The following RALGPS1 variants were observed in gnomAD, a reference collection of about 807,000 sequenced individuals.
RALGPS1 encodes ras-specific guanine nucleotide-releasing factor RalGPS1.
A neutral mutation model predicts 78.8 loss-of-function variants in RALGPS1; 19 were observed. The ratio of observed to expected loss-of-function variants is 0.24; its 90% CI spans 0.17 to 0.35. The LOEUF (loss-of-function observed/expected upper bound fraction) is 0.35. Among genes scored for constraint, RALGPS1 ranks in the 10% least tolerant of loss-of-function variants. RALGPS1 has a pLI of 1.00. For synonymous variants in RALGPS1, 228 were observed against 256.3 expected (o/e 0.89, Z 1.06); for missense variants, 454 against 688.3 (o/e 0.66, Z 3.81).
At chr9:126,920,913 T>C (rs565690462) in intron 1 of RALGPS1, among the ~76,000 whole-genome samples, 2 of 152,340 alleles carry the variant, frequency 1.3e-5, no homozygotes, top group South Asian at 2.1e-4. Context: ...AAATCCTGCC[T>C]CTGTCACAGA....
chr9:127,034,785 G>C (rs1162421744), intron 5 of RALGPS1, among the ~76,000 whole-genome samples: 13 of 152,144 alleles, frequency 8.5e-5, no homozygotes. Context: ...AATATGCTTT[G>C]CAAGGTTCAG....
At chr9:127,110,469 T>C (rs2054690102) in intron 8 of RALGPS1, among the ~76,000 whole-genome samples, 3 of 152,218 alleles carry the variant, frequency 2.0e-5, no homozygotes, top group Non-Finnish European at 2.9e-5. Context: ...TTTACCTTAG[T>C]CATCTCATCC....
intron 1 of RALGPS1, among the ~76,000 whole-genome samples, chr9:126,939,172 A>G (rs2036531728): frequency 6.6e-6 from 1 of 152,162 alleles, no homozygotes; most frequent in Admixed American, 6.5e-5. Context: ...GCAGGGTCGC[A>G]TGTGTCTGTC....
intron 8 of RALGPS1, among the ~76,000 whole-genome samples, chr9:127,144,844 C>A (rs1361125891): frequency 6.6e-6 from 1 of 152,080 alleles, no homozygotes; most frequent in Non-Finnish European, 1.5e-5. Flanking sequence ...GGCTGGAAAG[C>A]GGGGAATGGG....
At chr9:127,203,183 T>G (rs1207541395) in intron 14 of RALGPS1, among the ~76,000 whole-genome samples, 1 of 152,238 alleles carries the variant, frequency 6.6e-6, no homozygotes, top group Admixed American at 6.5e-5. Flanking sequence ...CGATCATGTA[T>G]GTATATATGA....
At chr9:126,957,231 A>G (rs998004813) in intron 1 of RALGPS1, among the ~76,000 whole-genome samples, 2 of 152,246 alleles carry the variant, frequency 1.3e-5, no homozygotes, top group African/African-American at 2.4e-5. Context: ...TCAGATGGGC[A>G]GAGGGTGTGC....
chr9:127,095,328 G>A lies in RALGPS1; in HGVS notation c.610+25972G>A, dbSNP rs144045163. Among the ~76,000 whole-genome samples the A allele has an allele frequency of 7.8e-3, 1,193 of 152,284 alleles. 23 individuals carry two copies. The highest frequency in any genetic ancestry group is 0.027 in the African/African-American group (1,126 of 41,542). On this transcript the variant is annotated intron_variant, in intron 8 of 18. Transcript: ENST00000259351. The stretch of plus-strand genomic sequence containing the variant: ...CAGGAGAATCCCTTGAATCCAGGAG[G>A]TGGAGGTTGCAGTGAGCTGAGATGG...
chr9:127,026,533 A>C (rs570107262), intron 4 of RALGPS1, among the ~76,000 whole-genome samples: 1 of 152,308 alleles, frequency 6.6e-6, no homozygotes, highest in Admixed American at 6.5e-5. Flanking sequence ...TTTCTATCAC[A>C]TATTTGTTTT....
At chr9:127,201,943 C>T (rs553531236) in intron 14 of RALGPS1, among the ~76,000 whole-genome samples, 1 of 152,336 alleles carries the variant, frequency 6.6e-6, no homozygotes, top group African/African-American at 2.4e-5. Flanking sequence ...GGAGCCAGAG[C>T]CAAGGGTGCA....
intron 14 of RALGPS1, among the ~76,000 whole-genome samples, chr9:127,209,316 G>T (rs898631749): frequency 6.6e-6 from 1 of 152,250 alleles, no homozygotes; most frequent in Non-Finnish European, 1.5e-5. Flanking sequence ...CCCAGCATGT[G>T]GTGCCGGTAA....
In RALGPS1 at chr9:127,218,871, G is replaced by T; in HGVS notation, c.*102G>T. 1.5e-6 allele frequency: 2 copies of T among 1,351,046 alleles called. No homozygotes were observed. Among genetic ancestry groups the T allele is most frequent in the Non-Finnish European group, 2.1e-6 (2 of 942,138 alleles). 83.7% of individuals were successfully genotyped at this position (1,351,046 alleles called of 1,614,324 possible). A position where few individuals can be genotyped will look rare whatever the true frequency, so the allele number is the denominator to read the frequency against. On this transcript the variant is annotated 3_prime_UTR_variant, in exon 19 of 19. Transcript: ENST00000259351. This position sits in a 1 kb window ranked among gnomAD's most constrained non-coding sequence, Gnocchi z 4.4. ...GCACAGGCTGTGAGCCAGGGTGCTG[G>T]GAAACTCACAGCTGGACTCAGGGGA...
At chr9:127,151,643 A>C (rs1274932888) in intron 8 of RALGPS1, among the ~76,000 whole-genome samples, 1 of 151,996 alleles carries the variant, frequency 6.6e-6, no homozygotes, top group Admixed American at 6.6e-5. Context: ...GTTTTGCCTG[A>C]GTCTTTGCAA....
intron 5 of RALGPS1, among the ~76,000 whole-genome samples, chr9:127,044,504 C>G (rs7039781): frequency 0.14 from 21,291 of 152,208 alleles, 4,889 homozygotes; most frequent in African/African-American, 0.48. Flanking sequence ...GATCTGCCCT[C>G]CTCGGCCTCC....
In RALGPS1 at chr9:127,120,776, C is replaced by T. The variant is rs545184343; in HGVS notation, c.611-45293C>T. ...CCAGCAGGCGGAGTTTGCAGTGAGC[C>T]GAGATCATGCCACTGCACTCCAGCC... is the stretch of plus-strand genomic sequence containing the variant. On this transcript the variant is annotated intron_variant, in intron 8 of 18. Coordinates refer to ENST00000259351, the MANE Select transcript of RALGPS1 (RefSeq NM_014636.3). 5.3e-5 allele frequency among the ~76,000 whole-genome samples: 8 copies of T among 151,154 alleles called. No homozygotes were observed. In the South Asian group the frequency reaches 6.3e-4, roughly 12 times the overall value.
At chr9:127,198,425 G>A (rs769032964) in intron 13 of RALGPS1, among the ~76,000 whole-genome samples, 3 of 152,202 alleles carry the variant, frequency 2.0e-5, no homozygotes, top group Admixed American at 6.5e-5. Context: ...AGAGGGCTTA[G>A]AGAGCCCGGG....
intron 4 of RALGPS1, among the ~76,000 whole-genome samples, chr9:126,983,595 A>G (rs779977834): frequency 6.6e-5 from 10 of 152,114 alleles, no homozygotes; most frequent in Non-Finnish European, 1.0e-4. Flanking sequence ...AAAACAAACA[A>G]AACCCACTAA....
rs1194771004 is a variant in RALGPS1, at chr9:127,197,375, GGTCTGTGT to G, written c.1195+759_1195+766del. Reference sequence around the variant, plus strand: ...CCTTTCGGTGTGCCTGTGCCTCTGTGGTCTGTGTGTCTGTGTGTCTGTCGGCTTCCCTT... The same window carrying G: ...CCTTTCGGTGTGCCTGTGCCTCTGTGGTCTGTGTGTCTGTCGGCTTCCCTT... On this transcript the variant is annotated intron_variant, in intron 13 of 18. Coordinates refer to ENST00000259351, the MANE Select transcript of RALGPS1 (RefSeq NM_014636.3). Among the ~76,000 whole-genome samples the G allele has an allele frequency of 3.9e-5, 6 of 152,230 alleles. No individual in the cohort carries two copies. The East Asian group carries it at 7.7e-4, about 20-fold the overall frequency.
intron 4 of RALGPS1, among the ~76,000 whole-genome samples, chr9:127,008,641 C>T (rs1459295449): frequency 1.3e-5 from 2 of 152,160 alleles, no homozygotes; most frequent in African/African-American, 4.8e-5. Flanking sequence ...TGGTGATATC[C>T]TGGTTAGTAG....
At chr9:127,193,328 G>A (rs76792802) in intron 11 of RALGPS1, among the ~76,000 whole-genome samples, 88 of 152,340 alleles carry the variant, frequency 5.8e-4, no homozygotes, top group African/African-American at 2.0e-3. Flanking sequence ...TCTTGGAGTT[G>A]CCCGGGGGCA....
Sources: gnomAD v4.1 joint callset for allele counts (sites outside exome capture counted in the v4.1 genomes callset) on GRCh38, gnomAD v4.1.1 for gene constraint, Gnocchi (gnomAD v3.1) non-coding constraint, MANE v1.5 for transcripts, NCBI Gene and HGNC (gene_info 2026-07-23, HGNC 2026-07-21) for gene names.